The following SCFD2 variants were observed in gnomAD, a reference collection of about 807,000 sequenced individuals.
The protein encoded by SCFD2 is sec1 family domain containing 2, also known as sec1 family domain-containing protein 2.
Under a neutral mutation model 58.9 loss-of-function variants are expected in SCFD2, and 54 were observed. The observed-to-expected ratio is 0.92, with a 90% CI of 0.74 to 1.15. SCFD2 has a LOEUF of 1.15. Ranked by LOEUF, SCFD2 falls within the 50% of genes most tolerant of loss-of-function variation. SCFD2 has a pLI of 0.00. For missense variants in SCFD2, 805 were observed against 836.6 expected (o/e 0.96, Z 0.47); for synonymous variants, 321 against 335.9 (o/e 0.96, Z 0.49).
rs1019513775 is a variant in SCFD2, at chr4:53,168,823, G to A, written c.1312-23241C>T. ...TTAGTATTACTATAGTCACCACACT[G>A]TGCAACAGATCTCAAAAAACATATT... On this transcript the variant is annotated intron_variant, in intron 4 of 8. Transcript: ENST00000401642. Among the ~76,000 whole-genome samples, 31 of 152,124 alleles carry A rather than the reference G, an allele frequency of 2.0e-4. 1 individual carries two copies. The highest frequency in any genetic ancestry group is 3.9e-4 in the Admixed American group (6 of 15,270).
At chr4:53,072,354 C>T (rs1260690654) in intron 5 of SCFD2, among the ~76,000 whole-genome samples, 2 of 152,012 alleles carry the variant, frequency 1.3e-5, no homozygotes, top group African/African-American at 4.8e-5. Flanking sequence ...TCTTTTTTAA[C>T]AAAGAACAGC....
chr4:53,238,525 G>C (rs1463475008), intron 4 of SCFD2, among the ~76,000 whole-genome samples: 1 of 151,888 alleles, frequency 6.6e-6, no homozygotes, highest in Admixed American at 6.5e-5. Flanking sequence ...CCTCCCGGAT[G>C]GGGTGGCTGC....
intron 1 of SCFD2, among the ~76,000 whole-genome samples, chr4:53,357,747 C>A (rs1314802025): frequency 6.6e-6 from 1 of 152,174 alleles, no homozygotes; most frequent in South Asian, 2.1e-4. Context: ...AAAAATCAGA[C>A]ACTTTTCTGA....
intron 5 of SCFD2, among the ~76,000 whole-genome samples, chr4:53,078,924 C>A (rs879783352): frequency 2.6e-5 from 4 of 152,192 alleles, no homozygotes; most frequent in Non-Finnish European, 4.4e-5. Context: ...CCCCTAAACA[C>A]AGAGTGATCC....
chr4:53,255,244 T>C (rs1730568938), intron 4 of SCFD2, among the ~76,000 whole-genome samples: 1 of 138,784 alleles, frequency 7.2e-6, no homozygotes, highest in African/African-American at 2.7e-5. Flanking sequence ...GGATCATTCT[T>C]GGGTGTTTCT....
intron 5 of SCFD2, among the ~76,000 whole-genome samples, chr4:52,943,627 T>A (rs1005443927): frequency 6.6e-6 from 1 of 152,182 alleles, no homozygotes; most frequent in Non-Finnish European, 1.5e-5. Context: ...AGCCCCTTTA[T>A]AAGGGCACTT....
chr4:53,017,074 C>T (rs1029492539), intron 5 of SCFD2, among the ~76,000 whole-genome samples: 5 of 152,050 alleles, frequency 3.3e-5, no homozygotes, highest in African/African-American at 7.3e-5. Flanking sequence ...CAACACTGCA[C>T]TCCAGCCTGG....
chr4:53,352,827 A>T (rs1734270899), intron 1 of SCFD2, 61 bp from the exon 2 acceptor site: 1 of 1,418,068 alleles, frequency 7.1e-7, no homozygotes, highest in East Asian at 2.3e-5. Flanking sequence ...AAGTTGGATA[A>T]ATGTTTTATC....
rs148400109 is a variant in SCFD2, at chr4:53,172,249, T to C, written c.1312-26667A>G. 2.8e-3 allele frequency among the ~76,000 whole-genome samples: 427 copies of C among 152,134 alleles called. 3 individuals carry two copies. The Middle Eastern group carries it at 0.058, about 21-fold the overall frequency. On this transcript the variant is annotated intron_variant, in intron 4 of 8. Transcript: ENST00000401642. ...CAATCTCCTGACCTTGTGATCTGCC[T>C]GTCTCAGCCTCCCAAAGTGCTGGGA...
chr4:53,232,505 A>G (rs193133245), intron 4 of SCFD2, among the ~76,000 whole-genome samples: 20 of 152,358 alleles, frequency 1.3e-4, no homozygotes, highest in Admixed American at 1.3e-3. Context: ...TGTTAAAAAC[A>G]TACAGTACAA....
intron 4 of SCFD2, among the ~76,000 whole-genome samples, chr4:53,194,522 A>G (rs1268309834): frequency 1.3e-5 from 2 of 152,208 alleles, no homozygotes; most frequent in Non-Finnish European, 2.9e-5. Flanking sequence ...ACGGATGAAC[A>G]TAGATCAAAT....
At chr4:53,303,453 C>T (rs1333141473) in intron 3 of SCFD2, among the ~76,000 whole-genome samples, 4 of 152,290 alleles carry the variant, frequency 2.6e-5, no homozygotes, top group South Asian at 2.1e-4. Context: ...CAGGAAACAG[C>T]ACGTGCTGGA....
intron 5 of SCFD2, among the ~76,000 whole-genome samples, chr4:53,100,149 G>T (rs1463016181): frequency 6.6e-6 from 1 of 152,118 alleles, no homozygotes; most frequent in Admixed American, 6.6e-5. Flanking sequence ...TCTTCTAATT[G>T]TTACTCATGT....
chr4:53,159,377 T>A (rs1355969950), intron 4 of SCFD2, among the ~76,000 whole-genome samples: 3 of 152,068 alleles, frequency 2.0e-5, no homozygotes, highest in Non-Finnish European at 4.4e-5. Flanking sequence ...AAAATATACA[T>A]CGAGTCTACT....
chr4:53,259,636 T>C (rs543626295), intron 4 of SCFD2, among the ~76,000 whole-genome samples: 1 of 152,350 alleles, frequency 6.6e-6, no homozygotes, highest in Admixed American at 6.5e-5. Context: ...TATAGTATAG[T>C]TTGAATTCGG....
intron 1 of SCFD2, among the ~76,000 whole-genome samples, chr4:53,354,787 C>A (rs181679033): frequency 2.1e-3 from 324 of 151,038 alleles, no homozygotes; most frequent in African/African-American, 7.5e-3. Context: ...TTTTCTTTTT[C>A]TTCTATTTTT....
chr4:53,112,203 C>T, intron 5 of SCFD2, among the ~76,000 whole-genome samples: 1 of 152,152 alleles, frequency 6.6e-6, no homozygotes, highest in East Asian at 1.9e-4. Context: ...GAAGCTTGAC[C>T]AAATGAATGC....
chr4:53,313,363 T>G (rs1560442336), intron 3 of SCFD2, among the ~76,000 whole-genome samples: 1 of 152,204 alleles, frequency 6.6e-6, no homozygotes, highest in Admixed American at 6.5e-5. Context: ...CAGACCAATT[T>G]TGACAGTTCT....
At chr4:53,299,211 A>G (rs1178799277) in intron 3 of SCFD2, among the ~76,000 whole-genome samples, 10 of 152,208 alleles carry the variant, frequency 6.6e-5, no homozygotes, top group Non-Finnish European at 1.3e-4. Flanking sequence ...AAGTTAGATG[A>G]ATGGATAACT....
Sources: gnomAD v4.1 joint callset for allele counts (sites outside exome capture counted in the v4.1 genomes callset) on GRCh38, gnomAD v4.1.1 for gene constraint, MANE v1.5 for transcripts, NCBI Gene and HGNC (gene_info 2026-07-23, HGNC 2026-07-21) for gene names.